The following LTBP1 variants were observed in gnomAD, a reference collection of about 807,000 sequenced individuals.
LTBP1 encodes the protein latent-transforming growth factor beta-binding protein 1.
LTBP1 carries 129 observed loss-of-function variants against 207.6 expected under a neutral mutation model. The ratio of observed to expected loss-of-function variants is 0.62; its 90% CI spans 0.54 to 0.72. The LOEUF (loss-of-function observed/expected upper bound fraction) is 0.72, where lower values mean the gene tolerates loss of function less well. Ranked by LOEUF, LTBP1 falls within the 30% of genes least tolerant of loss-of-function variation. LTBP1 has a pLI of 0.00. For synonymous variants in LTBP1, 963 were observed against 833.7 expected, an observed-to-expected ratio of 1.16 and a Z score of -2.67; for missense variants, 2,281 against 2,217.2, an observed-to-expected ratio of 1.03 and a Z score of -0.58.
At chr2:33,276,142 C>T (rs1223299407) in intron 18 of LTBP1, among the ~76,000 whole-genome samples, 1 of 152,024 alleles carries the variant, frequency 6.6e-6, no homozygotes, top group Non-Finnish European at 1.5e-5. Context: ...ACCTCAATAT[C>T]TGCCTCTCTG....
At chr2:32,974,282 T>C (rs142142139) in intron 2 of LTBP1, among the ~76,000 whole-genome samples, 1 of 152,330 alleles carries the variant, frequency 6.6e-6, no homozygotes, top group East Asian at 1.9e-4. Context: ...TTTTTTCATA[T>C]AAGCCATTTA....
At chr2:33,033,522 A>G (rs2075779871) in intron 3 of LTBP1, among the ~76,000 whole-genome samples, 1 of 152,196 alleles carries the variant, frequency 6.6e-6, no homozygotes. Context: ...GAAAGAGATC[A>G]GAAACACTGA....
chr2:33,383,140 G>A (rs958160245), intron 31 of LTBP1, among the ~76,000 whole-genome samples: 3 of 152,208 alleles, frequency 2.0e-5, no homozygotes, highest in African/African-American at 7.2e-5. Flanking sequence ...CAGATCACGA[G>A]GTCAGGAGCT....
chr2:33,303,697 A>G (rs1457895269), intron 22 of LTBP1, among the ~76,000 whole-genome samples: 1 of 152,134 alleles, frequency 6.6e-6, no homozygotes, highest in Non-Finnish European at 1.5e-5. Flanking sequence ...GATCCCTCAC[A>G]TGCGCTGTTC....
In LTBP1 at chr2:33,257,313, A is replaced by G; in HGVS notation, c.2197A>G (p.Met733Val). ...AAFKEICPGG[M>V]GYTVSGVHRR... ...TTTTAAGGAAATCTGTCCTGGTGGA[A>G]TGGGTTATACGGTTTCTGGCGTTCA... The change falls in exon 12 of 34, where the codon ATG (methionine) becomes GTG (valine). Residue 733 changes from methionine (M) to valine (V), a missense_variant. Coordinates refer to ENST00000404816, the MANE Select transcript of LTBP1 (RefSeq NM_206943.4). 6.2e-7 allele frequency: 1 copy of G among 1,614,056 alleles called. No homozygotes were observed. The highest frequency in any genetic ancestry group is 8.5e-7 in the Non-Finnish European group (1 of 1,179,894).
chr2:33,372,812 G>A (rs1351481442), intron 31 of LTBP1, among the ~76,000 whole-genome samples: 3 of 152,108 alleles, frequency 2.0e-5, no homozygotes, highest in Admixed American at 1.3e-4. Context: ...TGCAGTGAGC[G>A]AAGATCGTGC....
chr2:32,947,626 C>G lies in LTBP1; in HGVS notation c.302C>G (p.Pro101Arg). Residue 101 changes from proline (P) to arginine (R), a missense_variant, in exon 1 of 34, where the codon CCG (proline) becomes CGG (arginine). This residue lies in a region of LTBP1 where 555 missense variants were observed against 491.0 expected (regional missense o/e 1.13). Coordinates refer to ENST00000404816, the MANE Select transcript of LTBP1 (RefSeq NM_206943.4). Reference protein sequence around the residue: ...GGAALQGLRPPPPPPPEPARP... With the variant: ...GGAALQGLRPRPPPPPEPARP... ...GCGGCCCTGCAGGGGCTCAGACCGC[C>G]GCCGCCGCCGCCGCCGGAGCCTGCG... The G allele has an allele frequency of 7.5e-7, 1 of 1,335,448 alleles. No individual in the cohort carries two copies. The highest frequency in any genetic ancestry group is 9.5e-7 in the Non-Finnish European group (1 of 1,048,102). The allele number at this position is 1,335,448 out of a possible 1,614,324, so 82.7% of individuals were successfully genotyped here.
chr2:33,270,717 A>T (rs560551347), intron 15 of LTBP1, among the ~76,000 whole-genome samples: 6 of 152,310 alleles, frequency 3.9e-5, no homozygotes, highest in African/African-American at 1.4e-4. Context: ...GTAGAAATCA[A>T]GTATGTTTCA....
At chr2:33,302,956 C>T (rs1166936613) in intron 22 of LTBP1, among the ~76,000 whole-genome samples, 1 of 104,754 alleles carries the variant, frequency 9.5e-6, no homozygotes, top group Non-Finnish European at 1.8e-5. Context: ...TTTTTACACA[C>T]ACACACACAC....
intron 7 of LTBP1, among the ~76,000 whole-genome samples, chr2:33,189,321 A>G (rs1169354756): frequency 1.3e-5 from 2 of 152,110 alleles, no homozygotes; most frequent in African/African-American, 2.4e-5. Flanking sequence ...TTAGCCTCCT[A>G]AGTAGCTGGG....
intron 5 of LTBP1, among the ~76,000 whole-genome samples, chr2:33,157,631 T>C (rs931216581): frequency 2.6e-5 from 4 of 152,202 alleles, no homozygotes; most frequent in Admixed American, 1.3e-4. Flanking sequence ...TTTTGCAAGA[T>C]TTTTATATCC....
intron 5 of LTBP1, among the ~76,000 whole-genome samples, chr2:33,166,580 C>G (rs1191856602): frequency 6.6e-6 from 1 of 152,180 alleles, no homozygotes; most frequent in East Asian, 1.9e-4. Context: ...TAGTCTAATT[C>G]TGAGCTACAT....
rs575023011 is a variant in LTBP1 at position 33,161,415 on chromosome 2, C to T, written c.1202-25441C>T. On this transcript the variant is annotated intron_variant, in intron 5 of 33. Transcript: ENST00000404816. The stretch of plus-strand genomic sequence containing the variant: ...CCAAGTAGCTGGGATTACAGGTGCC[C>T]GCCACCACACCCAGCTAATTTTTTT... 4.9e-3 allele frequency among the ~76,000 whole-genome samples: 752 copies of T among 151,996 alleles called. 10 individuals are homozygous for T. The highest frequency in any genetic ancestry group is 3.7e-3 in the Non-Finnish European group (254 of 67,960).
rs971246790 is a variant in LTBP1, at chr2:33,174,061, C to T, written c.1202-12795C>T. On this transcript the variant is annotated intron_variant, in intron 5 of 33. Coordinates refer to ENST00000404816, the MANE Select transcript of LTBP1 (RefSeq NM_206943.4). Reference sequence around the variant, plus strand: ...CACAGCCAATATCATACTGAATGGGCAAAAACTGGAAGCATTCCCTTTGAA... The same window carrying T: ...CACAGCCAATATCATACTGAATGGGTAAAAACTGGAAGCATTCCCTTTGAA... Among the ~76,000 whole-genome samples the T allele has an allele frequency of 2.7e-3, 386 of 142,250 alleles. 5 individuals carry two copies. The highest frequency in any genetic ancestry group is 8.1e-3 in the African/African-American group (322 of 39,774). The allele number at this position is 142,250 out of a possible 152,430, so 93.3% of individuals were successfully genotyped here.
rs879564942 is a variant in LTBP1, at chr2:33,126,827, G to GA, written c.1034-7956dup. On this transcript the variant is annotated intron_variant, in intron 4 of 33. Transcript: ENST00000404816. ...CTGAGCCAGAGAGAAGTTTGTATTG[G>GA]AAAAAAAAAATGAAGTAAATGACAG... is the stretch of plus-strand genomic sequence containing the variant. Among the ~76,000 whole-genome samples the GA allele has an allele frequency of 3.1e-3, 461 of 148,130 alleles. 1 individual carries two copies. The highest frequency in any genetic ancestry group is 0.021 in the Middle Eastern group (6 of 292).
chr2:33,182,653 C>A (rs2086757057), intron 5 of LTBP1, among the ~76,000 whole-genome samples: 1 of 104,578 alleles, frequency 9.6e-6, no homozygotes. Context: ...CAGAGTGAGA[C>A]CCTGTCTCAA....
intron 3 of LTBP1, among the ~76,000 whole-genome samples, chr2:33,102,097 TCTC>T (rs367939177): frequency 5.3e-4 from 81 of 152,288 alleles, no homozygotes; most frequent in African/African-American, 1.9e-3. Flanking sequence ...GCAGTTTTGA[TCTC>T]CTCCTTCTCC....
intron 31 of LTBP1, among the ~76,000 whole-genome samples, chr2:33,371,916 C>T (rs573900978): frequency 6.6e-6 from 1 of 152,308 alleles, no homozygotes; most frequent in South Asian, 2.1e-4. Flanking sequence ...GTGTCCCACC[C>T]AGCACGTGGA....
intron 24 of LTBP1, among the ~76,000 whole-genome samples, chr2:33,327,988 A>G (rs2094448325): frequency 6.6e-6 from 1 of 151,894 alleles, no homozygotes; most frequent in South Asian, 2.1e-4. Context: ...TACAAAAATT[A>G]GCCAGGCATG....
Sources: allele counts gnomAD v4.1 joint callset (sites outside exome capture counted in the v4.1 genomes callset), GRCh38; gene constraint gnomAD v4.1.1; regional missense constraint gnomAD v4.1.1; transcripts MANE v1.5; gene names NCBI Gene and HGNC (gene_info 2026-07-23, HGNC 2026-07-21).